CFAP299: variants seen among roughly 807,000 people sequenced by gnomAD.
CFAP299 encodes the protein cilia- and flagella-associated protein 299.
A neutral mutation model predicts 27.0 loss-of-function variants in CFAP299; 21 were observed. That is an observed-to-expected ratio of 0.78 (90% confidence interval 0.55 to 1.12). CFAP299 has a LOEUF of 1.12. Among genes scored for constraint, CFAP299 ranks in the 50% most tolerant of loss-of-function variants. CFAP299 has a pLI of 0.00. For missense variants in CFAP299, 310 were observed against 276.6 expected (o/e 1.12, Z -0.86); for synonymous variants, 104 against 98.1 (o/e 1.06, Z -0.36).
chr4:80,785,717 G>A (rs962620060), intron 3 of CFAP299, among the ~76,000 whole-genome samples: 5 of 152,112 alleles, frequency 3.3e-5, no homozygotes, highest in African/African-American at 1.2e-4. Flanking sequence ...TAGTATAGAT[G>A]TTCTCATCTA....
At chr4:80,598,860 T>C (rs1737188512) in intron 3 of CFAP299, among the ~76,000 whole-genome samples, 1 of 152,224 alleles carries the variant, frequency 6.6e-6, no homozygotes, top group South Asian at 2.1e-4. Context: ...CACCTTTCTC[T>C]GAATCCCCAC....
intron 3 of CFAP299, among the ~76,000 whole-genome samples, chr4:80,591,677 T>G (rs1437363967): frequency 6.6e-6 from 1 of 152,310 alleles, no homozygotes; most frequent in East Asian, 1.9e-4. Context: ...AAGGAGTCAC[T>G]GAGGCTAATC....
chr4:80,907,162 TA>T (rs1735225519), intron 4 of CFAP299, among the ~76,000 whole-genome samples: 1 of 152,202 alleles, frequency 6.6e-6, no homozygotes, highest in Non-Finnish European at 1.5e-5. Context: ...AGCTCATTGC[TA>T]AAGCATAATA....
chr4:80,828,440 G>A (rs1730110144), intron 3 of CFAP299, among the ~76,000 whole-genome samples: 1 of 152,020 alleles, frequency 6.6e-6, no homozygotes. Flanking sequence ...ATACAGTTTG[G>A]ATATTCCTCC....
At chr4:80,573,416 TCTTTA>T (rs1384808390) in intron 2 of CFAP299, among the ~76,000 whole-genome samples, 4 of 152,142 alleles carry the variant, frequency 2.6e-5, no homozygotes, top group African/African-American at 7.2e-5. Flanking sequence ...GTGGGTTGTC[TCTTTA>T]CTTTGTTGAT....
At chr4:80,577,683 G>A (rs1453878647) in intron 2 of CFAP299, among the ~76,000 whole-genome samples, 1 of 152,130 alleles carries the variant, frequency 6.6e-6, no homozygotes, top group Non-Finnish European at 1.5e-5. Context: ...TTACAGGCAT[G>A]AGCCATCACG....
intron 4 of CFAP299, chr4:80,872,578 T>A (rs141217750): frequency 6.6e-6 from 1 of 152,162 alleles, no homozygotes; most frequent in Non-Finnish European, 1.5e-5. Flanking sequence ...TGTATCATTT[T>A]GTATCCATGA....
intron 4 of CFAP299, among the ~76,000 whole-genome samples, chr4:80,880,240 C>G: frequency 6.6e-6 from 1 of 151,954 alleles, no homozygotes; most frequent in East Asian, 1.9e-4. Context: ...ATTAGGAAGT[C>G]TTCTTGAATG....
At chr4:80,340,100 G>A (rs764745379) in intron 1 of CFAP299, among the ~76,000 whole-genome samples, 4 of 152,174 alleles carry the variant, frequency 2.6e-5, no homozygotes, top group African/African-American at 4.8e-5. Flanking sequence ...AAAATGGAGA[G>A]TGAATTTGGC....
intron 1 of CFAP299, among the ~76,000 whole-genome samples, chr4:80,353,362 C>T (rs990170581): frequency 5.3e-5 from 8 of 152,226 alleles, no homozygotes; most frequent in African/African-American, 1.9e-4. Context: ...TTTCTTCACC[C>T]CTGTGGGAGT....
At chr4:80,849,952 C>T (rs1016154372) in intron 3 of CFAP299, among the ~76,000 whole-genome samples, 2 of 151,940 alleles carry the variant, frequency 1.3e-5, no homozygotes, top group Admixed American at 6.6e-5. Context: ...ACAATGTATA[C>T]ATATATTGAA....
At chr4:80,944,413 A>G (rs1367943002) in intron 4 of CFAP299, among the ~76,000 whole-genome samples, 1 of 152,172 alleles carries the variant, frequency 6.6e-6, no homozygotes, top group East Asian at 1.9e-4. Context: ...TTTATTTGGA[A>G]TTGTTTTGAA....
chr4:80,599,837 G>A (rs765819430), intron 3 of CFAP299, among the ~76,000 whole-genome samples: 1 of 152,072 alleles, frequency 6.6e-6, no homozygotes, highest in Non-Finnish European at 1.5e-5. Flanking sequence ...CTTTTGTAAA[G>A]CATGCGACCA....
At chr4:80,369,620 T>C (rs1352360969) in intron 2 of CFAP299, among the ~76,000 whole-genome samples, 1 of 152,194 alleles carries the variant, frequency 6.6e-6, no homozygotes, top group Non-Finnish European at 1.5e-5. Flanking sequence ...CTGCAGTCCT[T>C]CTTTTTGCTG....
the CFAP299 span, among the ~76,000 whole-genome samples, chr4:80,328,638 G>T: frequency 1.3e-5 from 2 of 152,066 alleles, no homozygotes; most frequent in African/African-American, 4.8e-5. Flanking sequence ...CAGTATGTTG[G>T]TATTGCCAAG....
chr4:80,611,589 T>C (rs1737982350), intron 3 of CFAP299, among the ~76,000 whole-genome samples: 1 of 152,100 alleles, frequency 6.6e-6, no homozygotes, highest in Non-Finnish European at 1.5e-5. Context: ...AGAACAAAGT[T>C]AATGTTTTAT....
At chr4:80,322,907 C>T in the CFAP299 span, among the ~76,000 whole-genome samples, 1 of 152,188 alleles carries the variant, frequency 6.6e-6, no homozygotes, top group African/African-American at 2.4e-5. Flanking sequence ...GAAGCAGTGA[C>T]TGGATCTTGT....
chr4:80,962,868 GC>G (rs1738413822), intron 5 of CFAP299, among the ~76,000 whole-genome samples: 1 of 151,820 alleles, frequency 6.6e-6, no homozygotes, highest in Admixed American at 6.6e-5. Context: ...CTGAGCATCA[GC>G]TTTACCTAAA....
intron 1 of CFAP299, 49 bp downstream of exon 1, chr4:80,335,928 C>A: frequency 1.7e-6 from 2 of 1,177,014 alleles, no homozygotes; most frequent in South Asian, 1.2e-5. Context: ...TCCCTCGGTC[C>A]CTCCTCGAGT....
Sources: allele counts gnomAD v4.1 joint callset (sites outside exome capture counted in the v4.1 genomes callset), GRCh38; gene constraint gnomAD v4.1.1; transcripts MANE v1.5; gene names NCBI Gene and HGNC (gene_info 2026-07-23, HGNC 2026-07-21).